Variants in RHOBTB1 observed in about 807,000 individuals in gnomAD.
RHOBTB1 encodes the protein rho-related BTB domain-containing protein 1.
Under a neutral mutation model 71.6 loss-of-function variants are expected in RHOBTB1, and 40 were observed. That is an observed-to-expected ratio of 0.56 (90% CI 0.43 to 0.73). The LOEUF (loss-of-function observed/expected upper bound fraction) is 0.73. Among genes scored for constraint, RHOBTB1 ranks in the 30% least tolerant of loss-of-function variants. The pLI is 0.00. For synonymous variants in RHOBTB1, 319 were observed against 334.9 expected (o/e 0.95, Z 0.52); for missense variants, 797 against 894.0 (o/e 0.89, Z 1.38).
intron 4 of RHOBTB1, among the ~76,000 whole-genome samples, chr10:60,896,891 A>C (rs1220635680): frequency 6.6e-6 from 1 of 152,194 alleles, no homozygotes; most frequent in East Asian, 1.9e-4. Flanking sequence ...AATCAGAGAG[A>C]CCAAGTCATC....
chr10:60,870,534 A>G lies in RHOBTB1; in HGVS notation c.*948T>C, dbSNP rs528760183. On this transcript the variant is annotated 3_prime_UTR_variant, in exon 11 of 11. Coordinates refer to ENST00000337910, the MANE Select transcript of RHOBTB1 (RefSeq NM_014836.5). The stretch of plus-strand genomic sequence containing the variant: ...GTGGTGAGATGTGACAAGCCTGTAG[A>G]TGGCAGGAGGGAGTCCAGGGACCTT... 2.6e-5 allele frequency: 4 copies of G among 152,364 alleles called. No homozygotes were observed. The East Asian group carries it at 7.7e-4, about 29-fold the overall frequency. The allele number at this position is 152,364 out of a possible 1,614,324, so 9.4% of individuals were successfully genotyped here.
chr10:60,902,761 C>T (rs4545506), intron 4 of RHOBTB1, among the ~76,000 whole-genome samples: 40,895 of 151,848 alleles, frequency 0.27, 7,335 homozygotes, highest in African/African-American at 0.52. Flanking sequence ...ATTCTTATTA[C>T]AAAAGGGCAT....
intron 7 of RHOBTB1, among the ~76,000 whole-genome samples, chr10:60,878,453 T>C (rs1245811909): frequency 1.3e-5 from 2 of 152,176 alleles, no homozygotes; most frequent in East Asian, 1.9e-4. Context: ...GTTGCTGACA[T>C]GATGGAGCCT....
intron 2 of RHOBTB1, among the ~76,000 whole-genome samples, chr10:60,983,871 T>C (rs2086580978): frequency 6.6e-6 from 1 of 152,200 alleles, no homozygotes; most frequent in Admixed American, 6.5e-5. Flanking sequence ...ACTTCTTCCA[T>C]CTCCTAATTT....
At chr10:60,864,209 C>T in the RHOBTB1 span, among the ~76,000 whole-genome samples, 1 of 152,162 alleles carries the variant, frequency 6.6e-6, no homozygotes, top group Non-Finnish European at 1.5e-5. Context: ...GGAATCTTCA[C>T]CTCAGGCTCT....
intron 1 of RHOBTB1, among the ~76,000 whole-genome samples, chr10:60,999,229 G>T (rs140981074): frequency 6.6e-6 from 1 of 152,030 alleles, no homozygotes; most frequent in East Asian, 1.9e-4. Context: ...TAGCAACTGC[G>T]CATCCAAATT....
intron 2 of RHOBTB1, among the ~76,000 whole-genome samples, chr10:60,916,311 C>A (rs754736535): frequency 2.0e-5 from 3 of 152,156 alleles, no homozygotes; most frequent in Non-Finnish European, 4.4e-5. Context: ...GGCAGCCCTG[C>A]CAATGGCTGT....
rs145421331 is a variant in RHOBTB1 at position 60,915,315 on chromosome 10, G to C, written c.-10-3763C>G. On this transcript the variant is annotated intron_variant, in intron 2 of 10. Transcript: ENST00000337910. ...TGTCTGGTTTCTGATTTTTATTTACGTAGAATGAGAGTAATAAGTATTATT... is the reference window on the plus strand; with the variant it reads ...TGTCTGGTTTCTGATTTTTATTTACCTAGAATGAGAGTAATAAGTATTATT... 6.8e-3 allele frequency among the ~76,000 whole-genome samples: 1,039 copies of C among 152,038 alleles called. 4 individuals carry two copies. Among genetic ancestry groups the C allele is most frequent in the African/African-American group, 9.1e-3 (378 of 41,466 alleles).
At chr10:60,985,265 C>T (rs527378291) in intron 2 of RHOBTB1, among the ~76,000 whole-genome samples, 55 of 152,260 alleles carry the variant, frequency 3.6e-4, no homozygotes, top group Middle Eastern at 6.8e-3. Flanking sequence ...AATAATTCTA[C>T]GTTTTTTAGG....
At chr10:60,986,207 T>A (rs777034927) in intron 1 of RHOBTB1, among the ~76,000 whole-genome samples, 14 of 151,950 alleles carry the variant, frequency 9.2e-5, no homozygotes, top group South Asian at 2.1e-4. Flanking sequence ...AGTACTTAAC[T>A]TCCTGGTGAT....
chr10:60,861,954 G>C, the RHOBTB1 span, among the ~76,000 whole-genome samples: 1 of 152,102 alleles, frequency 6.6e-6, no homozygotes, highest in Non-Finnish European at 1.5e-5. Flanking sequence ...CAGCTGGCAG[G>C]GTTGCTTAGA....
At chr10:60,982,328 A>T (rs928550731) in intron 2 of RHOBTB1, among the ~76,000 whole-genome samples, 1 of 152,190 alleles carries the variant, frequency 6.6e-6, no homozygotes, top group East Asian at 1.9e-4. Flanking sequence ...GACAGTACTC[A>T]GTACGGATAC....
At chr10:60,954,736 A>G (rs758261342) in intron 2 of RHOBTB1, among the ~76,000 whole-genome samples, 2 of 152,210 alleles carry the variant, frequency 1.3e-5, no homozygotes, top group Non-Finnish European at 2.9e-5. Flanking sequence ...AAATTACCCA[A>G]AAAGTGAATT....
chr10:60,939,736 C>G (rs2084799394), intron 2 of RHOBTB1, among the ~76,000 whole-genome samples: 1 of 152,172 alleles, frequency 6.6e-6, no homozygotes, highest in Non-Finnish European at 1.5e-5. Context: ...GACCAAGCGA[C>G]AGTTTTAAAC....
intron 1 of RHOBTB1, among the ~76,000 whole-genome samples, chr10:61,000,905 G>GGGCC (rs2135078385): frequency 6.6e-6 from 1 of 152,272 alleles, no homozygotes; most frequent in African/African-American, 2.4e-5. Flanking sequence ...CATCACCTTA[G>GGGCC]GGCCGGGCAT....
chr10:60,906,862 T>C (rs1208208938), intron 4 of RHOBTB1, among the ~76,000 whole-genome samples: 1 of 152,154 alleles, frequency 6.6e-6, no homozygotes, highest in African/African-American at 2.4e-5. Context: ...CAAAAGGGAC[T>C]GATATGGTTT....
At chr10:60,993,178 G>A (rs1173751255) in intron 1 of RHOBTB1, among the ~76,000 whole-genome samples, 1 of 152,062 alleles carries the variant, frequency 6.6e-6, no homozygotes, top group Admixed American at 6.6e-5. Flanking sequence ...TGTCTTCATT[G>A]CACCAGCTCC....
chr10:60,884,450 G>C (rs1472910550), intron 7 of RHOBTB1, among the ~76,000 whole-genome samples: 1 of 152,134 alleles, frequency 6.6e-6, no homozygotes, highest in Non-Finnish European at 1.5e-5. Context: ...CCACAAAAAT[G>C]CTTGCTCACT....
chr10:60,875,080 C>T (rs755852909), intron 8 of RHOBTB1, 38 bp from the exon 9 acceptor site: 16 of 1,524,018 alleles, frequency 1.0e-5, no homozygotes, highest in Admixed American at 3.3e-5. Context: ...CATTAAACCA[C>T]GCCCTGCGAG....
Sources: allele counts gnomAD v4.1 joint callset (sites outside exome capture counted in the v4.1 genomes callset), GRCh38; gene constraint gnomAD v4.1.1; transcripts MANE v1.5; gene names NCBI Gene and HGNC (gene_info 2026-07-23, HGNC 2026-07-21).